Variants in PCNT observed in about 807,000 individuals in gnomAD.
The protein encoded by PCNT is pericentrin.
PCNT carries 319 observed loss-of-function variants against 380.4 expected under a neutral mutation model. The observed-to-expected ratio is 0.84, with a 90% confidence interval of 0.77 to 0.92. The LOEUF (loss-of-function observed/expected upper bound fraction) is 0.92. Among genes scored for constraint, PCNT ranks in the 40% least tolerant of loss-of-function variants. The probability of loss-of-function intolerance (pLI) is 0.00; values close to 1 mark genes in which losing one functional copy is unlikely to be tolerated. For missense variants in PCNT, 4,400 were observed against 4,255.3 expected, an observed-to-expected ratio of 1.03 and a Z score of -0.95; for synonymous variants, 1,845 against 1,735.2, an observed-to-expected ratio of 1.06 and a Z score of -1.57.
intron 15 of PCNT, 48 bp downstream of exon 15, chr21:46,367,187 T>A (rs2084958402): frequency 6.6e-7 from 1 of 1,511,526 alleles, no homozygotes; most frequent in African/African-American, 1.4e-5. Context: ...CTCTCCTCGC[T>A]GCCTGTGTGT....
chr21:46,337,255 G>A (rs1178086327), intron 3 of PCNT, among the ~76,000 whole-genome samples: 6 of 152,196 alleles, frequency 3.9e-5, no homozygotes, highest in African/African-American at 1.2e-4. Flanking sequence ...GGGATTACAG[G>A]TGTGGGCCAC....
At chr21:46,336,158 G>T (rs758190946) in intron 3 of PCNT, among the ~76,000 whole-genome samples, 3 of 152,118 alleles carry the variant, frequency 2.0e-5, no homozygotes, top group Non-Finnish European at 4.4e-5. Context: ...TATATTTTTA[G>T]TAGAGAAGGG....
In PCNT at chr21:46,430,521, G is replaced by A. The variant is rs1254177699; in HGVS notation, c.7928G>A (p.Ser2643Asn). The change falls in exon 37 of 47, where the codon AGT (serine) becomes AAT (asparagine). Residue 2643 changes from serine (S) to asparagine (N), a missense_variant. Ser to Asn is a conservative substitution (Grantham distance 46). Coordinates refer to ENST00000359568, the MANE Select transcript of PCNT (RefSeq NM_006031.6). ...EVLQLRSMLS[S>N]KENELKAALQ... ...TCTCCACGCAGATCCATGCTGAGCAGTAAGGAGAACGAGCTGAAGGCCGCG... is the reference window on the plus strand; with the variant it reads ...TCTCCACGCAGATCCATGCTGAGCAATAAGGAGAACGAGCTGAAGGCCGCG... The A allele has an allele frequency of 4.5e-6, 7 of 1,552,352 alleles. No homozygotes were observed. Among genetic ancestry groups the A allele is most frequent in the Admixed American group, 2.0e-5 (1 of 51,268 alleles).
chr21:46,378,388 G>A (rs1183260080), intron 15 of PCNT, among the ~76,000 whole-genome samples: 1 of 152,178 alleles, frequency 6.6e-6, no homozygotes, highest in Non-Finnish European at 1.5e-5. Context: ...CATTGCAATT[G>A]AACGGCCTCT....
chr21:46,431,713 A>T lies in PCNT; in HGVS notation c.8249A>T (p.Glu2750Val). 1 of 1,612,342 alleles carries T rather than the reference A, an allele frequency of 6.2e-7. No individual in the cohort carries two copies. Among genetic ancestry groups the T allele is most frequent in the African/African-American group, 1.3e-5 (1 of 75,072 alleles). The change falls in exon 38 of 47, where the codon GAG becomes GTG. Residue 2750 changes from glutamate (E) to valine (V), a missense_variant. Physicochemically the swap from Glu to Val is moderately radical, Grantham distance 121 (BLOSUM62 -2). Transcript: ENST00000359568. ...GAGCTCCAGAAGGACCTTGCGGCTG[A>T]GAAGAGCCGCACCCTGGAGCTGTCA... The part of the protein sequence containing the change: ...LSELQKDLAA[E>V]KSRTLELSEA...
chr21:46,345,706 A>G (rs950881619), intron 3 of PCNT, among the ~76,000 whole-genome samples: 2 of 152,164 alleles, frequency 1.3e-5, no homozygotes, highest in Non-Finnish European at 2.9e-5. Flanking sequence ...TCATCACCCC[A>G]GAAGGAAGCC....
At chr21:46,356,125 T>C (rs1299833031) in intron 12 of PCNT, among the ~76,000 whole-genome samples, 1 of 152,130 alleles carries the variant, frequency 6.6e-6, no homozygotes, top group African/African-American at 2.4e-5. Context: ...CGCGGTCCCA[T>C]GGCGCCGGAC....
intron 18 of PCNT, 120 bp downstream of exon 18, chr21:46,389,004 C>T: frequency 6.9e-7 from 1 of 1,453,736 alleles, no homozygotes; most frequent in Non-Finnish European, 9.3e-7. Flanking sequence ...GTCCTGGTTT[C>T]CTGCTAGTTT....
Position 46,349,817 on chromosome 21 carries a change from G to A in PCNT, c.1341G>A (p.Leu447=). 1 of 1,614,046 alleles carries A rather than the reference G, an allele frequency of 6.2e-7. No homozygotes were observed. The highest frequency in any genetic ancestry group is 8.5e-7 in the Non-Finnish European group (1 of 1,179,910). Residue 447 remains leucine, a synonymous_variant, in exon 8 of 47, where the codon CTG becomes CTA. Coordinates refer to ENST00000359568, the MANE Select transcript of PCNT (RefSeq NM_006031.6). ...AAGAGAGCGAGAAAGAAAAACAGCT[G>A]GAGGTGGGCAGCAGCTTCGTTATTT... ...KFKESEKEKQ[L]ELENLQASYE...
At chr21:46,436,718 A>G (rs905876706) in intron 39 of PCNT, among the ~76,000 whole-genome samples, 2 of 152,064 alleles carry the variant, frequency 1.3e-5, no homozygotes, top group African/African-American at 4.8e-5. Flanking sequence ...GAGGAAAGCC[A>G]CGGGGCCTGG....
chr21:46,333,581 G>A (rs7283664), intron 2 of PCNT, among the ~76,000 whole-genome samples: 106,584 of 151,228 alleles, frequency 0.7, 39,319 homozygotes, highest in Non-Finnish European at 0.83. Flanking sequence ...CCTGGGCGAC[G>A]GAGTGAAACT....
Position 46,436,973 on chromosome 21 carries a change from T to A in PCNT, c.8997-6T>A. On this transcript the variant is annotated splice_polypyrimidine_tract_variant and splice_region_variant and intron_variant, in intron 39 of 46. Coordinates refer to ENST00000359568, the MANE Select transcript of PCNT (RefSeq NM_006031.6). ...TGCAACTTTGAGTGCCCATTTATTTTTACAGGACAGTTAATGATTGGACGT... is the reference window on the plus strand; with the variant it reads ...TGCAACTTTGAGTGCCCATTTATTTATACAGGACAGTTAATGATTGGACGT... The A allele has an allele frequency of 1.2e-6, 2 of 1,609,440 alleles. No homozygotes were observed. Among genetic ancestry groups the A allele is most frequent in the Non-Finnish European group, 1.7e-6 (2 of 1,175,698 alleles).
In PCNT at chr21:46,334,428, A is replaced by G. The variant is rs2083663258; in HGVS notation, c.299A>G (p.Asp100Gly). The G allele has an allele frequency of 2.5e-6, 4 of 1,614,072 alleles. No homozygotes were observed. The highest frequency in any genetic ancestry group is 1.1e-5 in the South Asian group (1 of 91,094). Residue 100 changes from aspartate (D) to glycine (G), a missense_variant, in exon 3 of 47, where the codon GAC becomes GGC. Asp to Gly is a moderately conservative substitution (Grantham distance 94). Coordinates refer to ENST00000359568, the MANE Select transcript of PCNT (RefSeq NM_006031.6). ...PEDCDGEKRE[D>G]LEQLQQKQVN... The stretch of plus-strand genomic sequence containing the variant: ...GACTGTGATGGAGAGAAGAGAGAGG[A>G]CTTGGAACAGCTGCAGCAGAAGCAA...
intron 3 of PCNT, among the ~76,000 whole-genome samples, chr21:46,335,031 T>G (rs2083688050): frequency 6.6e-6 from 1 of 152,204 alleles, no homozygotes; most frequent in Non-Finnish European, 1.5e-5. Flanking sequence ...CTTGTGATCT[T>G]CCTTTTTTGT....
At chr21:46,423,416 C>G (rs912477656) in intron 32 of PCNT, among the ~76,000 whole-genome samples, 3 of 151,738 alleles carry the variant, frequency 2.0e-5, no homozygotes, top group Admixed American at 6.6e-5. Context: ...GTCTTGAGCT[C>G]CTGAGCTCAA....
chr21:46,411,815 G>A lies in PCNT; in HGVS notation c.5742G>A (p.Ala1914=), dbSNP rs61735810. 2.7e-3 allele frequency: 4,327 copies of A among 1,579,220 alleles called. 91 individuals carry two copies. In the African/African-American group the frequency reaches 0.05, roughly 18 times the overall value. Residue 1914 remains alanine, a synonymous_variant, in exon 28 of 47, where the codon GCG becomes GCA. Coordinates refer to ENST00000359568, the MANE Select transcript of PCNT (RefSeq NM_006031.6). ...AGCAGCAGCCCCTGGCAGCCGGGGCGGCGCCTCCCGAGCTGCAGTGGCTCC... is the reference window on the plus strand; with the variant it reads ...AGCAGCAGCCCCTGGCAGCCGGGGCAGCGCCTCCCGAGCTGCAGTGGCTCC... The part of the protein sequence containing the change: ...ALEQQPLAAG[A]APPELQWLRA...
intron 15 of PCNT, among the ~76,000 whole-genome samples, chr21:46,372,267 TA>T (rs1410804602): frequency 6.7e-6 from 1 of 150,160 alleles, no homozygotes; most frequent in Non-Finnish European, 1.5e-5. Flanking sequence ...TGTGCACGTG[TA>T]GCACATGCAT....
chr21:46,328,574 C>T (rs531571527), intron 2 of PCNT, among the ~76,000 whole-genome samples: 2 of 152,122 alleles, frequency 1.3e-5, no homozygotes, highest in Admixed American at 6.5e-5. Context: ...GATTTTCCTG[C>T]GTCAGCCTCC....
At chr21:46,440,411 G>A (rs527525028) in intron 42 of PCNT, among the ~76,000 whole-genome samples, 23 of 152,336 alleles carry the variant, frequency 1.5e-4, no homozygotes, top group South Asian at 2.1e-4. Context: ...CTTGTTAAGC[G>A]TGGAACGTGG....
Sources: allele counts gnomAD v4.1 joint callset (sites outside exome capture counted in the v4.1 genomes callset), GRCh38; gene constraint gnomAD v4.1.1; transcripts MANE v1.5; gene names NCBI Gene and HGNC (gene_info 2026-07-23, HGNC 2026-07-21).